The following NHSL2 variants were observed in gnomAD, a reference collection of about 807,000 sequenced individuals.
NHSL2 encodes NHS-like protein 2.
A neutral mutation model predicts 53.4 loss-of-function variants in NHSL2; 27 were observed. That is an observed-to-expected ratio of 0.51 (90% confidence interval 0.37 to 0.70). The LOEUF is 0.70. NHSL2 is among the 30% of genes least tolerant of loss of function. NHSL2 has a pLI of 0.00. For missense variants in NHSL2, 892 were observed against 980.1 expected (o/e 0.91, Z 1.20); for synonymous variants, 408 against 404.1 (o/e 1.01, Z -0.12).
At chrX:72,089,589 G>C (rs775758534) in intron 1 of NHSL2, among the ~76,000 whole-genome samples, 4 of 111,020 alleles carry the variant, frequency 3.6e-5, no homozygotes, top group Non-Finnish European at 1.9e-5. Flanking sequence ...CACCTGCTTG[G>C]GGCTGGGGAG....
At chrX:71,928,839 C>T (rs1198422894) in intron 1 of NHSL2, among the ~76,000 whole-genome samples, 1 of 111,644 alleles carries the variant, frequency 9.0e-6, no homozygotes, top group African/African-American at 3.3e-5. Context: ...CCCAGCAAGC[C>T]AGCAGCAAAC....
At chrX:71,979,030 C>A (rs1483410773) in intron 1 of NHSL2, among the ~76,000 whole-genome samples, 1 of 107,093 alleles carries the variant, frequency 9.3e-6, no homozygotes, top group Non-Finnish European at 1.9e-5. Flanking sequence ...TTTGTCCTTG[C>A]GATAGTTTGC....
At chrX:72,037,125 A>G (rs985724706) in intron 1 of NHSL2, among the ~76,000 whole-genome samples, 2 of 112,256 alleles carry the variant, frequency 1.8e-5, no homozygotes, top group Admixed American at 9.4e-5. Context: ...GTTTAGGTTT[A>G]ACATGTAGGA....
Position 72,144,388 on chromosome X carries a change from T to A in NHSL2, c.*814T>A. The A allele has an allele frequency of 2.3e-6, 1 of 437,422 alleles. No individual in the cohort carries two copies. Among genetic ancestry groups the A allele is most frequent in the African/African-American group, 2.5e-5 (1 of 40,213 alleles). 36.0% of individuals were successfully genotyped at this position (437,422 alleles called of 1,213,427 possible). A position where few individuals can be genotyped will look rare whatever the true frequency, so the allele number is the denominator to read the frequency against. ...GGTAACTCACAAGTGCACCTTGAGA[T>A]CCTCCATGTGTCTGTCAACAGCGAT... On this transcript the variant is annotated 3_prime_UTR_variant, in exon 8 of 8. Coordinates refer to ENST00000633930, the MANE Select transcript of NHSL2 (RefSeq NM_001013627.3).
At chrX:72,130,032 A>G (rs1421905116) in intron 1 of NHSL2, 2 of 1,209,277 alleles carry the variant, frequency 1.7e-6, no homozygotes, top group Non-Finnish European at 1.1e-6. Flanking sequence ...TCCGTCTGCT[A>G]GGCTGTATTA....
intron 1 of NHSL2, among the ~76,000 whole-genome samples, chrX:71,980,064 A>G (rs2041968274): frequency 8.9e-6 from 1 of 111,863 alleles, no homozygotes; most frequent in South Asian, 3.7e-4. Context: ...CAAAGATCAG[A>G]TGGTTGTAGA....
intron 5 of NHSL2, 107 bp from the exon 6 acceptor site, chrX:72,138,334 A>G (rs759614350): frequency 3.6e-5 from 21 of 582,122 alleles, no homozygotes; most frequent in Middle Eastern, 3.4e-4. Context: ...AATTCTGACC[A>G]AGCTGTTGGC....
intron 4 of NHSL2, among the ~76,000 whole-genome samples, chrX:72,136,177 C>T (rs1432812199): frequency 1.8e-5 from 2 of 111,286 alleles, no homozygotes; most frequent in Non-Finnish European, 3.8e-5. Flanking sequence ...TCACAGACCT[C>T]GCCCCACCAC....
chrX:71,960,841 G>A (rs1602280208), intron 1 of NHSL2, among the ~76,000 whole-genome samples: 1 of 112,344 alleles, frequency 8.9e-6, no homozygotes, highest in Middle Eastern at 4.6e-3. Context: ...TCTTTTCTAA[G>A]AGTAATTTGT....
At chrX:71,994,955 GGGCATCTCATA>G (rs2042043594) in intron 1 of NHSL2, among the ~76,000 whole-genome samples, 1 of 111,257 alleles carries the variant, frequency 9.0e-6, no homozygotes, top group Non-Finnish European at 1.9e-5. Context: ...GCATCCACTT[GGGCATCTCATA>G]GGCATCTCAG....
chrX:71,958,202 A>T (rs904103969), intron 1 of NHSL2, among the ~76,000 whole-genome samples: 1 of 110,963 alleles, frequency 9.0e-6, no homozygotes, highest in African/African-American at 3.3e-5. Flanking sequence ...AATCAGTGAT[A>T]GTCCTAGAGC....
chrX:72,123,376 C>G (rs2042196021), intron 1 of NHSL2, among the ~76,000 whole-genome samples: 1 of 111,741 alleles, frequency 8.9e-6, no homozygotes, highest in Non-Finnish European at 1.9e-5. Flanking sequence ...GGAAGGAGAG[C>G]CATTGAGGGG....
At chrX:72,015,778 G>A (rs960599799) in intron 1 of NHSL2, among the ~76,000 whole-genome samples, 2 of 112,308 alleles carry the variant, frequency 1.8e-5, no homozygotes, top group African/African-American at 6.5e-5. Context: ...TTGGCCATCT[G>A]TAACTCTCCT....
intron 1 of NHSL2, among the ~76,000 whole-genome samples, chrX:72,115,727 A>G (rs1479307224): frequency 2.7e-5 from 3 of 111,022 alleles, no homozygotes; most frequent in Non-Finnish European, 3.8e-5. Flanking sequence ...AGGGTGACAG[A>G]AGGAAATAAG....
chrX:71,930,830 G>A (rs946054935), intron 1 of NHSL2, among the ~76,000 whole-genome samples: 2 of 111,630 alleles, frequency 1.8e-5, no homozygotes, highest in Non-Finnish European at 3.8e-5. Flanking sequence ...CCTATCCTTT[G>A]GCTATTATGA....
intron 1 of NHSL2, among the ~76,000 whole-genome samples, chrX:72,080,861 T>C (rs1001596082): frequency 8.9e-6 from 1 of 111,880 alleles, no homozygotes; most frequent in Non-Finnish European, 1.9e-5. Context: ...AGCTTTCTAA[T>C]TGCAGTTCAA....
rs766472345 is a variant in NHSL2, at chrX:72,001,767, C to T, written c.280+90400C>T. 1.1e-4 allele frequency among the ~76,000 whole-genome samples: 12 copies of T among 112,404 alleles called. No homozygotes were observed. The South Asian group carries it at 4.5e-3, about 42-fold the overall frequency. ...TCCTCCTTTCTACCTGTCAGACTTA[C>T]ACCCATACTTTGGGGCCCAGTCTGA... On this transcript the variant is annotated intron_variant, in intron 1 of 7. Transcript: ENST00000633930.
chrX:72,137,982 G>A (rs1188116967), intron 5 of NHSL2, among the ~76,000 whole-genome samples: 2 of 111,251 alleles, frequency 1.8e-5, no homozygotes, highest in African/African-American at 6.6e-5. Flanking sequence ...TGATGGGTGC[G>A]AACAATGCAA....
chrX:72,038,464 G>A (rs2042253015), intron 1 of NHSL2, among the ~76,000 whole-genome samples: 1 of 112,448 alleles, frequency 8.9e-6, no homozygotes, highest in South Asian at 3.6e-4. Flanking sequence ...CTAAGAAACA[G>A]GTCATTATAC....
Sources: gnomAD v4.1 joint callset for allele counts (sites outside exome capture counted in the v4.1 genomes callset) on GRCh38, gnomAD v4.1.1 for gene constraint, MANE v1.5 for transcripts, NCBI Gene and HGNC (gene_info 2026-07-23, HGNC 2026-07-21) for gene names.